ADCY2: variants seen among roughly 807,000 people sequenced by gnomAD.
ADCY2 encodes the protein adenylate cyclase type 2.
Under a neutral mutation model 125.2 loss-of-function variants are expected in ADCY2, and 31 were observed. That is an observed-to-expected ratio of 0.25 (90% confidence interval 0.19 to 0.33). The LOEUF is 0.33. Ranked by LOEUF, ADCY2 falls within the 10% of genes least tolerant of loss-of-function variation. The pLI is 1.00. For synonymous variants in ADCY2, 512 were observed against 548.4 expected, an observed-to-expected ratio of 0.93 and a Z score of 0.93; for missense variants, 904 against 1,418.2, an observed-to-expected ratio of 0.64 and a Z score of 5.82.
rs1421041093 is a variant in ADCY2, at chr5:7,757,480, T to G, written c.1988T>G (p.Met663Arg). Reference sequence around the variant, plus strand: ...AGCAAAAAAGCCTCTCCCCTGCTCATGTGGCTTTTGAAGTCCTCGGGCATC... The same window carrying G: ...AGCAAAAAAGCCTCTCCCCTGCTCAGGTGGCTTTTGAAGTCCTCGGGCATC... The part of the protein sequence containing the change: ...QCSKKASPLL[M>R]WLLKSSGIIA... Residue 663 changes from methionine (M) to arginine (R), a missense_variant, in exon 16 of 25, where the codon ATG becomes AGG. Transcript: ENST00000338316. The G allele has an allele frequency of 1.2e-6, 2 of 1,614,174 alleles. No individual in the cohort carries two copies. The highest frequency in any genetic ancestry group is 1.7e-6 in the Non-Finnish European group (2 of 1,180,016).
intron 20 of ADCY2, among the ~76,000 whole-genome samples, chr5:7,791,226 G>C (rs1350168946): frequency 6.6e-6 from 1 of 151,912 alleles, no homozygotes; most frequent in Admixed American, 6.6e-5. Context: ...CTTTTAGTGA[G>C]TTTGGGGTCC....
chr5:7,804,719 A>G (rs1744704329), intron 22 of ADCY2, 27 bp downstream of exon 22: 2 of 1,575,102 alleles, frequency 1.3e-6, no homozygotes, highest in African/African-American at 2.7e-5. Flanking sequence ...ACTTAACGGC[A>G]CAGGTGAGCC....
chr5:7,432,213 G>C (rs145929203), intron 2 of ADCY2, among the ~76,000 whole-genome samples: 4 of 152,152 alleles, frequency 2.6e-5, no homozygotes, highest in African/African-American at 9.6e-5. Context: ...TTCCCACCGA[G>C]AGCCACTTTC....
At chr5:7,693,404 C>CTTTTTT (rs1561170612) in intron 5 of ADCY2, among the ~76,000 whole-genome samples, 1 of 75,742 alleles carries the variant, frequency 1.3e-5, no homozygotes, top group Non-Finnish European at 2.6e-5. Flanking sequence ...CAATTGCCTG[C>CTTTTTT]TGTTTTTTGT....
intron 3 of ADCY2, among the ~76,000 whole-genome samples, chr5:7,558,395 G>A (rs1411410401): frequency 6.6e-6 from 1 of 152,044 alleles, no homozygotes; most frequent in Non-Finnish European, 1.5e-5. Flanking sequence ...AGTGTGAGAT[G>A]GTATCTTATT....
chr5:7,414,388 AAAACATGCT>A (rs1739854236), intron 1 of ADCY2, among the ~76,000 whole-genome samples, 176 bp from the exon 2 acceptor site: 1 of 152,212 alleles, frequency 6.6e-6, no homozygotes, highest in African/African-American at 2.4e-5. Flanking sequence ...TCTATTTAGA[AAAACATGCT>A]TATTTATTAT....
rs190860310 is a variant in ADCY2 at position 7,415,544 on chromosome 5, T to C, written c.408+774T>C. Among the ~76,000 whole-genome samples the C allele has an allele frequency of 1.6e-3, 250 of 152,296 alleles. 1 individual carries two copies. The highest frequency in any genetic ancestry group is 5.9e-3 in the African/African-American group (245 of 41,568). ...TCCAGGACTGGTTGTTGTCCTTAAATTCCTTCTCAATTACTAGAATTTTCC... is the reference window on the plus strand; with the variant it reads ...TCCAGGACTGGTTGTTGTCCTTAAACTCCTTCTCAATTACTAGAATTTTCC... On this transcript the variant is annotated intron_variant, in intron 2 of 24. Coordinates refer to ENST00000338316, the MANE Select transcript of ADCY2 (RefSeq NM_020546.3).
intron 3 of ADCY2, among the ~76,000 whole-genome samples, chr5:7,528,039 A>G (rs577836256): frequency 6.6e-6 from 1 of 152,184 alleles, no homozygotes; most frequent in Non-Finnish European, 1.5e-5. Context: ...CATTCTGTAT[A>G]GCATGAAGCT....
intron 22 of ADCY2, among the ~76,000 whole-genome samples, chr5:7,813,630 G>T (rs961562867): frequency 1.3e-5 from 2 of 152,228 alleles, no homozygotes; most frequent in Non-Finnish European, 2.9e-5. Context: ...TTGTTGAAAT[G>T]AATTGAGTTC....
chr5:7,616,265 C>T (rs1392102195), intron 3 of ADCY2, among the ~76,000 whole-genome samples: 1 of 152,060 alleles, frequency 6.6e-6, no homozygotes, highest in Non-Finnish European at 1.5e-5. Context: ...AGTTTATCAC[C>T]AGTCTTCCTT....
chr5:7,659,114 A>T (rs756387624), intron 4 of ADCY2, among the ~76,000 whole-genome samples: 4 of 152,244 alleles, frequency 2.6e-5, no homozygotes, highest in Admixed American at 6.5e-5. Flanking sequence ...AAAACTAAAT[A>T]TTTCAATGTG....
chr5:7,464,992 A>C (rs150193221), intron 2 of ADCY2, among the ~76,000 whole-genome samples: 1 of 152,170 alleles, frequency 6.6e-6, no homozygotes, highest in Non-Finnish European at 1.5e-5. Flanking sequence ...CTTACATGGC[A>C]GCAGGCAAGA....
intron 3 of ADCY2, among the ~76,000 whole-genome samples, chr5:7,536,081 G>C (rs13180878): frequency 0.39 from 60,060 of 152,084 alleles, 12,845 homozygotes; most frequent in Non-Finnish European, 0.47. Flanking sequence ...TTTTACTGCT[G>C]CAAGCTGTGG....
chr5:7,504,617 C>CTT (rs563915228), intron 2 of ADCY2, among the ~76,000 whole-genome samples: 26 of 138,034 alleles, frequency 1.9e-4, no homozygotes, highest in South Asian at 1.2e-3. Context: ...TTTTTTCTTT[C>CTT]TTTTTTTTTT....
At chr5:7,660,820 C>T (rs768898709) in intron 4 of ADCY2, among the ~76,000 whole-genome samples, 4 of 152,036 alleles carry the variant, frequency 2.6e-5, no homozygotes, top group Non-Finnish European at 5.9e-5. Flanking sequence ...GACATCTATA[C>T]TACCATTTGC....
chr5:7,764,587 T>C (rs1205266925), intron 16 of ADCY2, among the ~76,000 whole-genome samples: 1 of 152,236 alleles, frequency 6.6e-6, no homozygotes, highest in Non-Finnish European at 1.5e-5. Context: ...TTAAATTGCC[T>C]GAGAAATGTA....
intron 2 of ADCY2, among the ~76,000 whole-genome samples, chr5:7,436,175 T>G (rs527397973): frequency 6.6e-6 from 1 of 152,310 alleles, no homozygotes; most frequent in East Asian, 1.9e-4. Flanking sequence ...TGCATTGATT[T>G]GTTGACGAAA....
chr5:7,515,575 T>C (rs1744226505), intron 2 of ADCY2, among the ~76,000 whole-genome samples: 1 of 152,140 alleles, frequency 6.6e-6, no homozygotes, highest in Non-Finnish European at 1.5e-5. Context: ...AATAAAGAAA[T>C]GGTAATTTGA....
rs542871643 is a variant in ADCY2 at position 7,475,351 on chromosome 5, G to A, written c.409-45387G>A. ...GGATGTGAAGTCAGGAGCAGGGAGAGGTCCTGTGCTGGAGGACAGGGAGAA... is the reference window on the plus strand; with the variant it reads ...GGATGTGAAGTCAGGAGCAGGGAGAAGTCCTGTGCTGGAGGACAGGGAGAA... On this transcript the variant is annotated intron_variant, in intron 2 of 24. Transcript: ENST00000338316. 2.6e-5 allele frequency among the ~76,000 whole-genome samples: 4 copies of A among 152,152 alleles called. No homozygotes were observed. In the South Asian group the frequency reaches 6.2e-4, roughly 24 times the overall value.
Sources: gnomAD v4.1 joint callset for allele counts (sites outside exome capture counted in the v4.1 genomes callset) on GRCh38, gnomAD v4.1.1 for gene constraint, MANE v1.5 for transcripts, NCBI Gene and HGNC (gene_info 2026-07-23, HGNC 2026-07-21) for gene names.